Variants in EIF4G3 observed in about 807,000 individuals in gnomAD.
EIF4G3 encodes eIF-4-gamma 3.
In EIF4G3, 34 loss-of-function variants were observed where a neutral mutation model predicts 186.4. That is an observed-to-expected ratio of 0.18 (90% CI 0.14 to 0.24). The LOEUF is 0.24. Among genes scored for constraint, EIF4G3 ranks in the 10% least tolerant of loss-of-function variants. The pLI is 1.00. For missense variants in EIF4G3, 1,536 were observed against 1,948.5 expected, an observed-to-expected ratio of 0.79 and a Z score of 3.99; for synonymous variants, 673 against 679.5, an observed-to-expected ratio of 0.99 and a Z score of 0.15.
intron 2 of EIF4G3, among the ~76,000 whole-genome samples, chr1:21,120,619 CAA>C (rs67743322): frequency 2.6e-4 from 19 of 74,176 alleles, no homozygotes; most frequent in African/African-American, 2.0e-4. Context: ...GACTCCATCT[CAA>C]AAAAAAAAAA....
rs1573857142 is a variant in EIF4G3 at position 21,176,163 on chromosome 1, T to C, written c.-272+12A>G. 2.5e-6 allele frequency: 1 copy of C among 396,474 alleles called. No individual in the cohort carries two copies. Among genetic ancestry groups the C allele is most frequent in the African/African-American group, 2.1e-5 (1 of 47,086 alleles). The allele number at this position is 396,474 out of a possible 1,614,324, so 24.6% of individuals were successfully genotyped here. ...GAGAACCGAAGGGCCGACAGGAAGG[T>C]GAAAAGGATACTGTTGGGGCGCCTG... On this transcript the variant is annotated intron_variant, in intron 2 of 36. Coordinates refer to ENST00000602326, the MANE Select transcript of EIF4G3 (RefSeq NM_001391906.1).
At chr1:21,067,243 C>T (rs377477463) in intron 3 of EIF4G3, among the ~76,000 whole-genome samples, 2 of 150,844 alleles carry the variant, frequency 1.3e-5, no homozygotes, top group East Asian at 1.9e-4. Context: ...AGGGATTCTC[C>T]TGCCTCAGCC....
At chr1:20,909,868 G>C (rs184096355) in intron 14 of EIF4G3, among the ~76,000 whole-genome samples, 169 of 149,032 alleles carry the variant, frequency 1.1e-3, no homozygotes, top group Non-Finnish European at 2.0e-3. Context: ...TGTAGCCCCA[G>C]ACTCCTGGGC....
intron 7 of EIF4G3, among the ~76,000 whole-genome samples, chr1:20,983,302 G>C (rs1477175605): frequency 6.6e-6 from 1 of 152,148 alleles, no homozygotes; most frequent in Non-Finnish European, 1.5e-5. Context: ...GTAGGTGATG[G>C]AGATGAAAAG....
At chr1:21,024,722 T>C in intron 4 of EIF4G3, among the ~76,000 whole-genome samples, 1 of 149,624 alleles carries the variant, frequency 6.7e-6, no homozygotes, top group Non-Finnish European at 1.5e-5. Flanking sequence ...CACCAATCCC[T>C]AATCTCAAGT....
At chr1:20,892,566 A>G in intron 18 of EIF4G3, 1 of 1,238,724 alleles carries the variant, frequency 8.1e-7, no homozygotes, top group Non-Finnish European at 1.1e-6. Context: ...GCGTAACAGA[A>G]AATATTATAA....
intron 16 of EIF4G3, among the ~76,000 whole-genome samples, chr1:20,898,233 G>A (rs1471538120): frequency 2.0e-5 from 3 of 152,070 alleles, no homozygotes; most frequent in Non-Finnish European, 4.4e-5. Context: ...TAAGGGCTGG[G>A]CATGGGAGCA....
intron 2 of EIF4G3, among the ~76,000 whole-genome samples, chr1:21,091,792 T>C (rs1368569485): frequency 6.6e-6 from 1 of 151,926 alleles, no homozygotes; most frequent in Non-Finnish European, 1.5e-5. Context: ...GGCTCTCTGT[T>C]TGTCTGTCAT....
chr1:20,817,671 T>G, intron 33 of EIF4G3, 133 bp from the exon 34 acceptor site: 1 of 498,288 alleles, frequency 2.0e-6, no homozygotes, highest in Non-Finnish European at 3.1e-6. Flanking sequence ...GAGGCTATTT[T>G]ATGTTTGTAG....
In EIF4G3 at chr1:21,008,359, C is replaced by T. The variant is rs184428793; in HGVS notation, c.-66-5551G>A. Reference sequence around the variant, plus strand: ...ATCTTTTTTTTTTTCTTCTTTGAGACGGAGTCTCACTCTGTCACCCAGACT... The same window carrying T: ...ATCTTTTTTTTTTTCTTCTTTGAGATGGAGTCTCACTCTGTCACCCAGACT... On this transcript the variant is annotated intron_variant, in intron 4 of 36. Transcript: ENST00000602326. Among the ~76,000 whole-genome samples the T allele has an allele frequency of 3.3e-5, 5 of 151,718 alleles. No homozygotes were observed. In the East Asian group the frequency reaches 5.8e-4, roughly 18 times the overall value.
At chr1:20,873,722 T>TAA (rs35292233) in intron 20 of EIF4G3, among the ~76,000 whole-genome samples, 6 of 137,120 alleles carry the variant, frequency 4.4e-5, no homozygotes, top group Admixed American at 7.4e-5. Context: ...TTTTTTTCCT[T>TAA]AAAAAAAAAA....
intron 15 of EIF4G3, 105 bp downstream of exon 15, chr1:20,904,778 T>C (rs1240688302): frequency 4.5e-6 from 3 of 673,152 alleles, no homozygotes; most frequent in Admixed American, 2.9e-5. Context: ...GAGCTTGATA[T>C]ATTAAGTTTT....
chr1:20,828,029 GTTT>G (rs67354523), intron 31 of EIF4G3, among the ~76,000 whole-genome samples: 3 of 127,402 alleles, frequency 2.4e-5, no homozygotes, highest in Admixed American at 7.8e-5. Context: ...CTTTTATAAA[GTTT>G]TTTTTTTTTT....
At chr1:21,022,164 T>C (rs916670347) in intron 4 of EIF4G3, among the ~76,000 whole-genome samples, 1 of 152,248 alleles carries the variant, frequency 6.6e-6, no homozygotes, top group African/African-American at 2.4e-5. Context: ...TATCTTCTTT[T>C]GCTACCTTTC....
chr1:21,100,339 T>C (rs972647851), intron 2 of EIF4G3, among the ~76,000 whole-genome samples: 1 of 152,152 alleles, frequency 6.6e-6, no homozygotes, highest in Non-Finnish European at 1.5e-5. Context: ...AACTGTACAT[T>C]TGTACATTTT....
At chr1:21,099,873 T>C (rs190215649) in intron 2 of EIF4G3, among the ~76,000 whole-genome samples, 28 of 152,296 alleles carry the variant, frequency 1.8e-4, no homozygotes, top group Non-Finnish European at 3.5e-4. Context: ...CCTAGGCACG[T>C]ATTCAACAGA....
chr1:20,997,678 A>G (rs1489456595), intron 6 of EIF4G3, 45 bp from the exon 7 acceptor site: 2 of 1,481,788 alleles, frequency 1.3e-6, no homozygotes, highest in Non-Finnish European at 1.8e-6. Context: ...AGGCACAAAG[A>G]GTCAGAAACA....
chr1:21,005,678 A>C (rs1333783805), intron 4 of EIF4G3, among the ~76,000 whole-genome samples: 2 of 152,206 alleles, frequency 1.3e-5, no homozygotes, highest in Non-Finnish European at 2.9e-5. Flanking sequence ...GCATTCAAAG[A>C]TAAAGTTCTT....
intron 14 of EIF4G3, among the ~76,000 whole-genome samples, chr1:20,931,456 G>C (rs185882687): frequency 6.6e-6 from 1 of 152,286 alleles, no homozygotes; most frequent in African/African-American, 2.4e-5. Context: ...TCCATTTATA[G>C]AGCATAGGAA....
Sources: allele counts gnomAD v4.1 joint callset (sites outside exome capture counted in the v4.1 genomes callset), GRCh38; gene constraint gnomAD v4.1.1; transcripts MANE v1.5; gene names NCBI Gene and HGNC (gene_info 2026-07-23, HGNC 2026-07-21).